Variants in HIPK2 observed in about 807,000 individuals in gnomAD.
The protein encoded by HIPK2 is homeodomain-interacting protein kinase 2.
In HIPK2, 27 loss-of-function variants were observed where a neutral mutation model predicts 113.7. The observed-to-expected ratio is 0.24, with a 90% CI of 0.17 to 0.33. The LOEUF is 0.33. Ranked by LOEUF, HIPK2 falls within the 10% of genes least tolerant of loss-of-function variation. The pLI is 1.00. For missense variants in HIPK2, 1,257 were observed against 1,588.0 expected, an observed-to-expected ratio of 0.79 and a Z score of 3.54; for synonymous variants, 631 against 642.2, an observed-to-expected ratio of 0.98 and a Z score of 0.26.
At chr7:139,725,631 G>C (rs73158611) in intron 1 of HIPK2, among the ~76,000 whole-genome samples, 22,212 of 152,190 alleles carry the variant, frequency 0.15, 1,641 homozygotes, top group Non-Finnish European at 0.16. Flanking sequence ...CCAACCATGA[G>C]AGCTGCTCAT....
chr7:139,686,838 G>A (rs1794236953), intron 2 of HIPK2, among the ~76,000 whole-genome samples: 1 of 152,208 alleles, frequency 6.6e-6, no homozygotes, highest in South Asian at 2.1e-4. Context: ...AAATTTGAAA[G>A]TTCTACTGTG....
At position 139,716,586 on chromosome 7, in the gene HIPK2, T is replaced by C; in HGVS notation, c.449A>G (p.His150Arg). Residue 150 changes from histidine (H) to arginine (R), a missense_variant, in exon 2 of 15, where the codon CAT (histidine) becomes CGT (arginine). His to Arg is a conservative substitution (Grantham distance 29). Transcript: ENST00000406875. This position sits in a 1 kb window ranked among gnomAD's most constrained non-coding sequence, Gnocchi z 9.3. Reference protein sequence around the residue: ...NTSSVQIIEEHPPMIQNNASG... With the variant: ...NTSSVQIIEERPPMIQNNASG... ...TGCATTATTCTGAATCATGGGTGGATGCTCCTCGATGATCTGCACGCTGCT... is the reference window on the plus strand; with the variant it reads ...TGCATTATTCTGAATCATGGGTGGACGCTCCTCGATGATCTGCACGCTGCT... 1 of 1,613,998 alleles carries C rather than the reference T, an allele frequency of 6.2e-7. No homozygotes were observed. The highest frequency in any genetic ancestry group is 8.5e-7 in the Non-Finnish European group (1 of 1,179,880).
At chr7:139,579,665 G>T (rs939642175) in intron 13 of HIPK2, among the ~76,000 whole-genome samples, 6 of 149,806 alleles carry the variant, frequency 4.0e-5, no homozygotes, top group African/African-American at 1.5e-4. Flanking sequence ...CCTGGGGACA[G>T]AAGTTTCTGG....
At chr7:139,673,313 G>A (rs1802371199) in intron 2 of HIPK2, among the ~76,000 whole-genome samples, 1 of 152,136 alleles carries the variant, frequency 6.6e-6, no homozygotes, top group East Asian at 1.9e-4. Flanking sequence ...GTAGGGGCAG[G>A]CTTCTGACCT....
At position 139,613,695 on chromosome 7, in the gene HIPK2, A is replaced by G. The variant is rs1311877063; in HGVS notation, c.1991-372T>C. 6.6e-6 allele frequency among the ~76,000 whole-genome samples: 1 copy of G among 152,204 alleles called. No individual in the cohort carries two copies. The highest frequency in any genetic ancestry group is 2.4e-5 in the African/African-American group (1 of 41,460). On this transcript the variant is annotated intron_variant, in intron 8 of 14. Coordinates refer to ENST00000406875, the MANE Select transcript of HIPK2 (RefSeq NM_022740.5). The surrounding 1 kb of genome is among the most constrained non-coding windows in gnomAD (Gnocchi z 4.2). Reference sequence around the variant, plus strand: ...GATGTATGAACCCATTTGGAATTGCATTGACTGTAACCACACAGTTTACAC... The same window carrying G: ...GATGTATGAACCCATTTGGAATTGCGTTGACTGTAACCACACAGTTTACAC...
intron 1 of HIPK2, among the ~76,000 whole-genome samples, chr7:139,758,759 T>C (rs564800242): frequency 5.3e-5 from 8 of 151,780 alleles, no homozygotes; most frequent in South Asian, 4.2e-4. Flanking sequence ...CCCCAGTCCA[T>C]GGAAAAATTG....
chr7:139,573,590 T>G (rs2116464081), intron 14 of HIPK2, among the ~76,000 whole-genome samples, 193 bp from the exon 15 acceptor site: 1 of 152,186 alleles, frequency 6.6e-6, no homozygotes, highest in African/African-American at 2.4e-5. Context: ...GCCTGTAATC[T>G]CAGCACTTTG....
At chr7:139,577,223 A>T (rs985987841) in intron 13 of HIPK2, among the ~76,000 whole-genome samples, 4 of 134,998 alleles carry the variant, frequency 3.0e-5, no homozygotes, top group Non-Finnish European at 4.5e-5. Flanking sequence ...ATCTCGGCTC[A>T]CTGCAACCTC....
In HIPK2 at chr7:139,677,260, G is replaced by GACACAC. The variant is rs71170909; in HGVS notation, c.1103+38666_1103+38671dup. ...TATATATATTATATATATATATGGA[G>GACACAC]ACACACACACACACACACACATATA... On this transcript the variant is annotated intron_variant, in intron 2 of 14. Coordinates refer to ENST00000406875, the MANE Select transcript of HIPK2 (RefSeq NM_022740.5). Among the ~76,000 whole-genome samples, 19 of 150,084 alleles carry GACACAC rather than the reference G, an allele frequency of 1.3e-4. No individual in the cohort carries two copies. The East Asian group carries it at 1.4e-3, about 11-fold the overall frequency.
intron 6 of HIPK2, 27 bp downstream of exon 6, chr7:139,626,574 G>A: frequency 6.2e-7 from 1 of 1,602,252 alleles, no homozygotes; most frequent in Non-Finnish European, 8.5e-7. Context: ...CCGATCCCTG[G>A]TACGAAGCAT....
chr7:139,771,988 C>T (rs1796660427), intron 1 of HIPK2, among the ~76,000 whole-genome samples: 1 of 152,194 alleles, frequency 6.6e-6, no homozygotes, highest in Non-Finnish European at 1.5e-5. Context: ...TCAGGGAGTT[C>T]CAACTGCCCT....
chr7:139,608,934 A>G (rs1291827255), intron 9 of HIPK2, among the ~76,000 whole-genome samples: 1 of 152,244 alleles, frequency 6.6e-6, no homozygotes, highest in African/African-American at 2.4e-5. Context: ...ATATGAGCCC[A>G]AGAAATAAAG....
intron 1 of HIPK2, among the ~76,000 whole-genome samples, chr7:139,756,606 G>A (rs1317364888): frequency 2.0e-5 from 3 of 152,152 alleles, no homozygotes; most frequent in African/African-American, 7.2e-5. Flanking sequence ...TGTACTTTTA[G>A]TAGAGATGGG....
At chr7:139,573,425 G>A (rs1454596974) in intron 14 of HIPK2, 28 bp from the exon 15 acceptor site, 15 of 1,592,954 alleles carry the variant, frequency 9.4e-6, no homozygotes, top group East Asian at 2.2e-5. Flanking sequence ...CAAGAGAGAC[G>A]TCAGGGGCCG....
chr7:139,743,269 A>C (rs1347827518), intron 1 of HIPK2, among the ~76,000 whole-genome samples: 6 of 152,256 alleles, frequency 3.9e-5, no homozygotes, highest in African/African-American at 1.2e-4. Context: ...GAGGGGCAAC[A>C]AAGTACAGAT....
At position 139,566,084 on chromosome 7, in the gene HIPK2, CA is replaced by C. The variant is rs1459679735; in HGVS notation, c.*6842del. Reference sequence around the variant, plus strand: ...ATTCTATGAATCAAAAGAAACTCTCCAGAGATTTTCTCTAAAAATCAAACGA... The same window carrying C: ...ATTCTATGAATCAAAAGAAACTCTCCGAGATTTTCTCTAAAAATCAAACGA... On this transcript the variant is annotated 3_prime_UTR_variant, in exon 15 of 15. Coordinates refer to ENST00000406875, the MANE Select transcript of HIPK2 (RefSeq NM_022740.5). The surrounding 1 kb of genome is among the most constrained non-coding windows in gnomAD (Gnocchi z 4.1). 2 of 152,046 alleles carry C rather than the reference CA, an allele frequency of 1.3e-5. No individual in the cohort carries two copies. Among genetic ancestry groups the C allele is most frequent in the Non-Finnish European group, 2.9e-5 (2 of 67,932 alleles). 9.4% of individuals were successfully genotyped at this position (152,046 alleles called of 1,614,324 possible). A position where few individuals can be genotyped will look rare whatever the true frequency, so the allele number is the denominator to read the frequency against.
intron 2 of HIPK2, among the ~76,000 whole-genome samples, chr7:139,696,723 C>T (rs1023592581): frequency 2.6e-5 from 4 of 152,032 alleles, no homozygotes; most frequent in African/African-American, 4.8e-5. Flanking sequence ...GTAAAGGGGG[C>T]GGGGTGAAAA....
At position 139,596,385 on chromosome 7, in the gene HIPK2, T is replaced by A. The variant is rs145200015; in HGVS notation, c.2717+332A>T. Among the ~76,000 whole-genome samples the A allele has an allele frequency of 2.7e-3, 408 of 152,320 alleles. 2 individuals are homozygous for A. The highest frequency in any genetic ancestry group is 6.9e-3 in the Admixed American group (105 of 15,298). ...CCTGACCAACTGGGAATAAATTCAC[T>A]AGCTTGAGGCAGAGACTTTTAAACT... On this transcript the variant is annotated intron_variant, in intron 12 of 14. Transcript: ENST00000406875.
chr7:139,563,366 T>C lies in HIPK2; in HGVS notation c.*9561A>G, dbSNP rs1798001259. The stretch of plus-strand genomic sequence containing the variant: ...TGGCTCTCGCGCTTTCTGGGAGTCC[T>C]GGGTGCCTTGGCCCAGGGCAGTGGT... On this transcript the variant is annotated 3_prime_UTR_variant, in exon 15 of 15. Coordinates refer to ENST00000406875, the MANE Select transcript of HIPK2 (RefSeq NM_022740.5). The C allele has an allele frequency of 3.9e-5, 6 of 152,922 alleles. No individual in the cohort carries two copies. Among genetic ancestry groups the C allele is most frequent in the Admixed American group, 2.0e-4 (3 of 15,282 alleles). 9.5% of individuals were successfully genotyped at this position (152,922 alleles called of 1,614,324 possible).
Sources: gnomAD v4.1 joint callset for allele counts (sites outside exome capture counted in the v4.1 genomes callset) on GRCh38, gnomAD v4.1.1 for gene constraint, Gnocchi (gnomAD v3.1) non-coding constraint, MANE v1.5 for transcripts, NCBI Gene and HGNC (gene_info 2026-07-23, HGNC 2026-07-21) for gene names.